The following ATRNL1 variants were observed in gnomAD, a reference collection of about 807,000 sequenced individuals.
ATRNL1 encodes the protein attractin like 1.
ATRNL1 carries 95 observed loss-of-function variants against 182.7 expected under a neutral mutation model. The observed-to-expected ratio is 0.52, with a 90% confidence interval of 0.44 to 0.62. ATRNL1 has a LOEUF of 0.62. ATRNL1 is among the 20% of genes least tolerant of loss of function. The pLI, the probability that ATRNL1 is intolerant of heterozygous loss-of-function variation, is 0.00. For missense variants in ATRNL1, 1,471 were observed against 1,679.5 expected (o/e 0.88, Z 2.17); for synonymous variants, 576 against 568.3 (o/e 1.01, Z -0.19).
At chr10:115,609,655 T>C (rs1857053808) in intron 26 of ATRNL1, among the ~76,000 whole-genome samples, 1 of 144,856 alleles carries the variant, frequency 6.9e-6, no homozygotes, top group African/African-American at 2.5e-5. Flanking sequence ...CTCCTATTCA[T>C]TTTTTTTTAA....
chr10:115,325,226 C>T (rs1045972117), intron 18 of ATRNL1, among the ~76,000 whole-genome samples: 1 of 152,020 alleles, frequency 6.6e-6, no homozygotes, highest in Non-Finnish European at 1.5e-5. Flanking sequence ...GAATGGATGA[C>T]TTCTCTTTAG....
At chr10:115,212,085 G>A (rs10885672) in intron 8 of ATRNL1, among the ~76,000 whole-genome samples, 31,859 of 151,546 alleles carry the variant, frequency 0.21, 4,293 homozygotes, top group Non-Finnish European at 0.3. Flanking sequence ...TTATGTGGCT[G>A]TATTGCATGA....
intron 27 of ATRNL1, among the ~76,000 whole-genome samples, chr10:115,777,001 G>C (rs1306454328): frequency 3.3e-5 from 5 of 152,042 alleles, no homozygotes; most frequent in African/African-American, 1.2e-4. Flanking sequence ...ACATACTGAA[G>C]GTTTTAAGGA....
Position 115,761,186 on chromosome 10 carries a change from T to C in ATRNL1, c.3903+33831T>C, listed in dbSNP as rs530247401. Among the ~76,000 whole-genome samples, 7 of 152,316 alleles carry C rather than the reference T, an allele frequency of 4.6e-5. No homozygotes were observed. The South Asian group carries it at 1.4e-3, about 32-fold the overall frequency. ...AAGGCTAGTTTTATTAGAAAACTTT[T>C]GTTCTATTATAATAATGCATTATGT... On this transcript the variant is annotated intron_variant, in intron 27 of 28. Transcript: ENST00000355044.
intron 26 of ATRNL1, among the ~76,000 whole-genome samples, chr10:115,626,424 G>A: frequency 6.6e-6 from 1 of 152,090 alleles, no homozygotes; most frequent in Non-Finnish European, 1.5e-5. Context: ...TTATTTTTGG[G>A]CATATTGCTT....
chr10:115,309,237 G>GCCA (rs1853893872), intron 17 of ATRNL1, among the ~76,000 whole-genome samples: 1 of 151,970 alleles, frequency 6.6e-6, no homozygotes, highest in Non-Finnish European at 1.5e-5. Context: ...TTTTTACTTA[G>GCCA]GATTGGTTTG....
intron 28 of ATRNL1, among the ~76,000 whole-genome samples, chr10:115,851,153 G>A (rs1425801137): frequency 6.6e-6 from 1 of 151,712 alleles, no homozygotes; most frequent in Non-Finnish European, 1.5e-5. Context: ...TGTTTGAAAT[G>A]TAACTTACTA....
At chr10:115,303,119 T>C (rs1203168793) in intron 17 of ATRNL1, among the ~76,000 whole-genome samples, 1 of 78,538 alleles carries the variant, frequency 1.3e-5, no homozygotes, top group Non-Finnish European at 2.4e-5. Flanking sequence ...CCAGACTTTA[T>C]GTCCTTTTTT....
At chr10:115,134,938 A>G (rs373435270) in intron 5 of ATRNL1, among the ~76,000 whole-genome samples, 3,265 of 152,232 alleles carry the variant, frequency 0.021, 45 homozygotes, top group South Asian at 0.029. Flanking sequence ...CAAAAACCAC[A>G]TGATTATCTC....
At chr10:115,350,826 A>G (rs544067926) in intron 19 of ATRNL1, among the ~76,000 whole-genome samples, 61 of 152,230 alleles carry the variant, frequency 4.0e-4, no homozygotes, top group African/African-American at 1.4e-3. Context: ...TATTTTGATA[A>G]GGAGTGCATT....
intron 25 of ATRNL1, among the ~76,000 whole-genome samples, chr10:115,529,030 CAT>C (rs1236398967): frequency 3.3e-5 from 5 of 152,084 alleles, no homozygotes; most frequent in Admixed American, 6.6e-5. Context: ...TGTTACCTAA[CAT>C]ATATTCTGTC....
intron 25 of ATRNL1, among the ~76,000 whole-genome samples, chr10:115,530,952 A>G (rs1554988078): frequency 6.6e-6 from 1 of 152,032 alleles, no homozygotes; most frequent in Non-Finnish European, 1.5e-5. Context: ...TACAAAGGGC[A>G]TGAACTCATC....
intron 28 of ATRNL1, among the ~76,000 whole-genome samples, chr10:115,915,948 T>C (rs1555117116): frequency 6.6e-6 from 1 of 152,244 alleles, no homozygotes; most frequent in Admixed American, 6.5e-5. Flanking sequence ...CCTGCAACTT[T>C]GTTCTCTGGT....
chr10:115,579,203 T>A (rs1357237712), intron 26 of ATRNL1, among the ~76,000 whole-genome samples: 2 of 151,828 alleles, frequency 1.3e-5, no homozygotes, highest in Non-Finnish European at 3.0e-5. Flanking sequence ...TCTATATATG[T>A]TGATTAGGTC....
chr10:115,544,704 A>G (rs1852547009), intron 25 of ATRNL1, among the ~76,000 whole-genome samples: 1 of 152,158 alleles, frequency 6.6e-6, no homozygotes, highest in African/African-American at 2.4e-5. Context: ...TTGAGTTGGG[A>G]CAAATATCCA....
chr10:115,511,689 C>T (rs1850393700), intron 24 of ATRNL1, among the ~76,000 whole-genome samples: 1 of 151,676 alleles, frequency 6.6e-6, no homozygotes, highest in African/African-American at 2.4e-5. Flanking sequence ...TTTAATGCAA[C>T]TTTTTTATAA....
intron 14 of ATRNL1, among the ~76,000 whole-genome samples, chr10:115,282,016 T>TAA (rs1234166790): frequency 1.4e-5 from 2 of 146,500 alleles, no homozygotes; most frequent in Non-Finnish European, 3.0e-5. Flanking sequence ...ATTATATATA[T>TAA]AATATATTAA....
At chr10:115,799,847 T>G (rs532387521) in intron 27 of ATRNL1, among the ~76,000 whole-genome samples, 1 of 152,336 alleles carries the variant, frequency 6.6e-6, no homozygotes, top group Non-Finnish European at 1.5e-5. Context: ...TCAGATACTC[T>G]GCCAGCCACT....
intron 27 of ATRNL1, among the ~76,000 whole-genome samples, chr10:115,840,375 C>G (rs769309922): frequency 6.6e-6 from 1 of 152,070 alleles, no homozygotes; most frequent in Admixed American, 6.6e-5. Context: ...ATTCTTCATA[C>G]GGAACAAAGA....
Sources: allele counts gnomAD v4.1 joint callset (sites outside exome capture counted in the v4.1 genomes callset), GRCh38; gene constraint gnomAD v4.1.1; transcripts MANE v1.5; gene names NCBI Gene and HGNC (gene_info 2026-07-23, HGNC 2026-07-21).